Variants in ZBTB20 observed in about 807,000 individuals in gnomAD.
ZBTB20 encodes zinc finger and BTB domain containing 20.
A neutral mutation model predicts 56.9 loss-of-function variants in ZBTB20; 9 were observed. The observed-to-expected ratio is 0.16, with a 90% CI of 0.10 to 0.28. ZBTB20 has a LOEUF of 0.28. ZBTB20 is among the 10% of genes least tolerant of loss of function. ZBTB20 has a pLI of 1.00. For synonymous variants in ZBTB20, 417 were observed against 420.7 expected, an observed-to-expected ratio of 0.99 and a Z score of 0.11; for missense variants, 655 against 1,003.0, an observed-to-expected ratio of 0.65 and a Z score of 4.69.
rs2052961814 is a variant in ZBTB20 at position 114,567,816 on chromosome 3, A to C, written c.-294-67425T>G. On this transcript the variant is annotated intron_variant, in intron 6 of 11. Coordinates refer to ENST00000675478, the MANE Select transcript of ZBTB20 (RefSeq NM_001348800.3). ...ACCCCTGGAATACAGATGAGCTGGG[A>C]GGCATCTGGAAACAAAACCAGACAC... Among the ~76,000 whole-genome samples, 3 of 152,236 alleles carry C rather than the reference A, an allele frequency of 2.0e-5. No individual in the cohort carries two copies. In the South Asian group the frequency reaches 6.2e-4, roughly 31 times the overall value.
intron 4 of ZBTB20, among the ~76,000 whole-genome samples, chr3:114,825,529 T>C (rs1339882528): frequency 6.6e-6 from 1 of 151,860 alleles, no homozygotes; most frequent in African/African-American, 2.4e-5. Flanking sequence ...GGGGAGACCA[T>C]GCAGCCTCTT....
intron 6 of ZBTB20, among the ~76,000 whole-genome samples, chr3:114,681,720 C>T (rs1451725484): frequency 6.6e-6 from 1 of 152,090 alleles, no homozygotes; most frequent in Non-Finnish European, 1.5e-5. Flanking sequence ...ATCATTTAAT[C>T]CTACAACAAT....
chr3:115,093,460 A>C (rs1023018859), intron 1 of ZBTB20, among the ~76,000 whole-genome samples: 1 of 152,186 alleles, frequency 6.6e-6, no homozygotes, highest in African/African-American at 2.4e-5. Context: ...CAAAATTACT[A>C]TACAAAAAAT....
At chr3:114,653,576 T>C (rs373275884) in intron 6 of ZBTB20, among the ~76,000 whole-genome samples, 27 of 152,128 alleles carry the variant, frequency 1.8e-4, no homozygotes, top group East Asian at 5.8e-4. Context: ...TATTGGCCTA[T>C]ACTTTTATTT....
At chr3:115,063,533 C>T (rs1046023554) in intron 2 of ZBTB20, among the ~76,000 whole-genome samples, 3 of 152,108 alleles carry the variant, frequency 2.0e-5, no homozygotes, top group Non-Finnish European at 4.4e-5. Context: ...TGTACAAATG[C>T]CATCACATTA....
chr3:114,595,874 G>A (rs7637700), intron 6 of ZBTB20, among the ~76,000 whole-genome samples: 32 of 152,220 alleles, frequency 2.1e-4, no homozygotes, highest in African/African-American at 7.7e-4. Context: ...CTGTAATACT[G>A]GTCTCCCTTG....
intron 5 of ZBTB20, among the ~76,000 whole-genome samples, chr3:114,763,483 T>C (rs547258660): frequency 3.3e-5 from 5 of 152,268 alleles, no homozygotes; most frequent in African/African-American, 1.2e-4. Flanking sequence ...GATCATTGCA[T>C]AGAACATATG....
At chr3:114,622,082 T>C (rs1277524174) in intron 6 of ZBTB20, among the ~76,000 whole-genome samples, 3 of 152,232 alleles carry the variant, frequency 2.0e-5, no homozygotes, top group Non-Finnish European at 4.4e-5. Flanking sequence ...ATTTCATATG[T>C]AGTCATTAAT....
At chr3:114,435,732 T>G (rs577191085) in intron 7 of ZBTB20, among the ~76,000 whole-genome samples, 1 of 152,296 alleles carries the variant, frequency 6.6e-6, no homozygotes, top group African/African-American at 2.4e-5. Flanking sequence ...TACATATTAT[T>G]TGAATATCTG....
chr3:115,053,086 T>C (rs1354201914), intron 2 of ZBTB20, among the ~76,000 whole-genome samples: 1 of 152,152 alleles, frequency 6.6e-6, no homozygotes, highest in Non-Finnish European at 1.5e-5. Context: ...TCAAGAACAG[T>C]AATTCCCCCT....
intron 6 of ZBTB20, among the ~76,000 whole-genome samples, chr3:114,591,805 T>C (rs2055794260): frequency 6.6e-6 from 1 of 152,192 alleles, no homozygotes. Context: ...GTTATACTTA[T>C]CTCTCAAATT....
intron 6 of ZBTB20, among the ~76,000 whole-genome samples, chr3:114,686,380 A>G (rs1365502417): frequency 6.6e-6 from 1 of 152,184 alleles, no homozygotes; most frequent in Non-Finnish European, 1.5e-5. Context: ...AATCCAGAGA[A>G]CAACTGAGGA....
At chr3:114,817,630 TAGG>T (rs1445350476) in intron 4 of ZBTB20, among the ~76,000 whole-genome samples, 7 of 152,014 alleles carry the variant, frequency 4.6e-5, no homozygotes, top group Non-Finnish European at 1.0e-4. Context: ...AATATTTCAT[TAGG>T]AGTTTTGCAA....
At chr3:114,802,865 G>C (rs965477316) in intron 4 of ZBTB20, among the ~76,000 whole-genome samples, 1 of 151,894 alleles carries the variant, frequency 6.6e-6, no homozygotes, top group Non-Finnish European at 1.5e-5. Flanking sequence ...AAAGGTGATA[G>C]AAACTAGGCT....
intron 7 of ZBTB20, among the ~76,000 whole-genome samples, chr3:114,392,244 C>T (rs2176953): frequency 2.8e-4 from 42 of 152,084 alleles, no homozygotes; most frequent in African/African-American, 1.0e-3. Flanking sequence ...TCAATAATAA[C>T]TTAATCGTAC....
chr3:114,649,731 T>C (rs900183621), intron 6 of ZBTB20, among the ~76,000 whole-genome samples: 2 of 152,018 alleles, frequency 1.3e-5, no homozygotes, highest in African/African-American at 4.8e-5. Context: ...CTAGAATGTC[T>C]CTTTTGACCA....
At chr3:114,917,761 G>T (rs2075801718) in intron 3 of ZBTB20, among the ~76,000 whole-genome samples, 1 of 148,118 alleles carries the variant, frequency 6.8e-6, no homozygotes, top group Admixed American at 6.8e-5. Context: ...GCCTGGTGCT[G>T]GGCTGGGAGA....
intron 6 of ZBTB20, among the ~76,000 whole-genome samples, chr3:114,524,421 A>C (rs2046985084): frequency 6.6e-6 from 1 of 152,220 alleles, no homozygotes. Context: ...GTGTATTTAC[A>C]CAGTGAATAA....
chr3:114,634,509 G>C (rs985939303), intron 6 of ZBTB20, among the ~76,000 whole-genome samples: 2 of 152,038 alleles, frequency 1.3e-5, no homozygotes, highest in African/African-American at 4.8e-5. Context: ...ACAAATAATA[G>C]GGGTGAAGTC....
Sources: allele counts gnomAD v4.1 joint callset (sites outside exome capture counted in the v4.1 genomes callset), GRCh38; gene constraint gnomAD v4.1.1; transcripts MANE v1.5; gene names NCBI Gene and HGNC (gene_info 2026-07-23, HGNC 2026-07-21).